CCDC60: variants seen among roughly 807,000 people sequenced by gnomAD.
CCDC60 encodes the protein coiled-coil domain containing 60, also known as coiled-coil domain-containing protein 60.
Under a neutral mutation model 63.5 loss-of-function variants are expected in CCDC60, and 54 were observed. The ratio of observed to expected loss-of-function variants is 0.85; its 90% CI spans 0.68 to 1.07. CCDC60 has a LOEUF of 1.07. Among genes scored for constraint, CCDC60 ranks in the 50% least tolerant of loss-of-function variants. The pLI is 0.00. For synonymous variants in CCDC60, 206 were observed against 238.8 expected (o/e 0.86, Z 1.27); for missense variants, 651 against 684.3 (o/e 0.95, Z 0.54).
intron 13 of CCDC60, among the ~76,000 whole-genome samples, chr12:119,535,653 T>G (rs1248737812): frequency 2.0e-5 from 3 of 152,252 alleles, no homozygotes; most frequent in Non-Finnish European, 2.9e-5. Flanking sequence ...TCTTTATTTC[T>G]GCCTTCATTT....
At chr12:119,336,524 G>C (rs555538381) in intron 1 of CCDC60, among the ~76,000 whole-genome samples, 2 of 152,208 alleles carry the variant, frequency 1.3e-5, no homozygotes, top group Non-Finnish European at 2.9e-5. Flanking sequence ...AGATCTGCTG[G>C]TCTCCAGAAA....
chr12:119,347,154 A>G lies in CCDC60; in HGVS notation c.90+11888A>G, dbSNP rs746294777. Among the ~76,000 whole-genome samples the G allele has an allele frequency of 9.2e-5, 14 of 152,176 alleles. No homozygotes were observed. The South Asian group carries it at 1.2e-3, about 14-fold the overall frequency. Reference sequence around the variant, plus strand: ...ATCTTTCTAAATAATGTTCATTTCAATGAAGATGTATAAGCCATTTCTAAT... The same window carrying G: ...ATCTTTCTAAATAATGTTCATTTCAGTGAAGATGTATAAGCCATTTCTAAT... On this transcript the variant is annotated intron_variant, in intron 1 of 13. Coordinates refer to ENST00000327554, the MANE Select transcript of CCDC60 (RefSeq NM_178499.5).
intron 1 of CCDC60, among the ~76,000 whole-genome samples, chr12:119,353,598 C>CTTTTTTTTTTTTTTTTTTTT (rs71072514): frequency 1.5e-5 from 1 of 68,204 alleles, no homozygotes. Context: ...TCTTCTTCTT[C>CTTTTTTTTTTTTTTTTTTTT]TTTTTTTTTT....
chr12:119,400,955 C>T (rs2136222778), intron 1 of CCDC60, among the ~76,000 whole-genome samples: 1 of 152,322 alleles, frequency 6.6e-6, no homozygotes, highest in South Asian at 2.1e-4. Context: ...ATTCTGTGGG[C>T]AATTCACTCT....
intron 2 of CCDC60, among the ~76,000 whole-genome samples, chr12:119,445,969 AGTG>A (rs1325216747): frequency 1.3e-5 from 2 of 152,192 alleles, no homozygotes; most frequent in East Asian, 3.8e-4. Flanking sequence ...AATATGGTGC[AGTG>A]TATACTGCTT....
At chr12:119,446,710 TGTGTG>T (rs1307237931) in intron 2 of CCDC60, among the ~76,000 whole-genome samples, 1 of 48,370 alleles carries the variant, frequency 2.1e-5, no homozygotes, top group East Asian at 6.5e-4. Flanking sequence ...TGTGTGTGCC[TGTGTG>T]GATGTGTGTG....
chr12:119,446,570 T>C (rs1950544882), intron 2 of CCDC60, among the ~76,000 whole-genome samples: 1 of 151,578 alleles, frequency 6.6e-6, no homozygotes, highest in South Asian at 2.1e-4. Context: ...TACAGAAGGA[T>C]GTGGGAGGAA....
chr12:119,377,440 T>C (rs550519414), intron 1 of CCDC60, among the ~76,000 whole-genome samples: 1 of 152,132 alleles, frequency 6.6e-6, no homozygotes, highest in Non-Finnish European at 1.5e-5. Context: ...AGTGTTTACA[T>C]GCACAAGTAA....
intron 12 of CCDC60, among the ~76,000 whole-genome samples, chr12:119,528,971 C>T (rs1023596548): frequency 6.6e-6 from 1 of 152,086 alleles, no homozygotes; most frequent in African/African-American, 2.4e-5. Flanking sequence ...CAACCCATTG[C>T]GTTCTCCATA....
At chr12:119,393,549 A>G (rs1251723206) in intron 1 of CCDC60, among the ~76,000 whole-genome samples, 1 of 152,246 alleles carries the variant, frequency 6.6e-6, no homozygotes, top group Non-Finnish European at 1.5e-5. Context: ...GAGCATGTTT[A>G]TATTTTTAAA....
rs1950751091 is a variant in CCDC60, at chr12:119,456,444, C to T, written c.171-15550C>T. Among the ~76,000 whole-genome samples the T allele has an allele frequency of 6.6e-6, 1 of 152,166 alleles. No homozygotes were observed. Among genetic ancestry groups the T allele is most frequent in the African/African-American group, 2.4e-5 (1 of 41,436 alleles). On this transcript the variant is annotated intron_variant, in intron 2 of 13. Coordinates refer to ENST00000327554, the MANE Select transcript of CCDC60 (RefSeq NM_178499.5). This position sits in a 1 kb window ranked among gnomAD's most constrained non-coding sequence, Gnocchi z 4.6. ...AAGGGGTCAAAAGACACAAGTGTTA[C>T]AGGACCCCAACACTTCCTGGGGGTT... is the stretch of plus-strand genomic sequence containing the variant.
intron 7 of CCDC60, among the ~76,000 whole-genome samples, chr12:119,507,184 A>T (rs1952028152): frequency 6.6e-6 from 1 of 151,972 alleles, no homozygotes; most frequent in Non-Finnish European, 1.5e-5. Context: ...CAGACCAAGA[A>T]TCTGTGTGGG....
intron 1 of CCDC60, among the ~76,000 whole-genome samples, chr12:119,362,672 G>T (rs1231028100): frequency 6.6e-6 from 1 of 152,138 alleles, no homozygotes. Context: ...CCCTCTCATT[G>T]ATAGACATAT....
chr12:119,481,626 G>A (rs78105343), intron 4 of CCDC60, among the ~76,000 whole-genome samples: 3,222 of 152,014 alleles, frequency 0.021, 59 homozygotes, highest in Non-Finnish European at 0.03. Flanking sequence ...TATTTCCATA[G>A]GTTTTTGGGG....
chr12:119,386,015 A>G (rs567606572), intron 1 of CCDC60, among the ~76,000 whole-genome samples: 18 of 152,206 alleles, frequency 1.2e-4, no homozygotes, highest in Middle Eastern at 3.2e-3. Flanking sequence ...TGCTTGGTTC[A>G]TTGCTGTGTC....
At chr12:119,448,530 G>T (rs770959792) in intron 2 of CCDC60, among the ~76,000 whole-genome samples, 15 of 152,192 alleles carry the variant, frequency 9.9e-5, no homozygotes, top group Non-Finnish European at 1.6e-4. Context: ...GCTAGAAACA[G>T]TAACTATCAA....
At chr12:119,378,679 A>G (rs1439313396) in intron 1 of CCDC60, among the ~76,000 whole-genome samples, 1 of 152,204 alleles carries the variant, frequency 6.6e-6, no homozygotes, top group Non-Finnish European at 1.5e-5. Context: ...GCCTCCCCAG[A>G]CACAGCTGAA....
intron 8 of CCDC60, among the ~76,000 whole-genome samples, chr12:119,519,472 T>A (rs1202228894): frequency 6.1e-5 from 9 of 147,406 alleles, no homozygotes; most frequent in East Asian, 2.0e-4. Flanking sequence ...TATATATTTT[T>A]TTTTTTTTTT....
chr12:119,354,176 C>T (rs1440838061), intron 1 of CCDC60, among the ~76,000 whole-genome samples: 1 of 151,978 alleles, frequency 6.6e-6, no homozygotes, highest in Non-Finnish European at 1.5e-5. Context: ...TTAGTTCTTC[C>T]TATGCTTCCT....
Sources: gnomAD v4.1 joint callset for allele counts (sites outside exome capture counted in the v4.1 genomes callset) on GRCh38, gnomAD v4.1.1 for gene constraint, Gnocchi (gnomAD v3.1) non-coding constraint, MANE v1.5 for transcripts, NCBI Gene and HGNC (gene_info 2026-07-23, HGNC 2026-07-21) for gene names.